FBN1: variants seen among roughly 807,000 people sequenced by gnomAD.
FBN1 encodes fibrillin-1.
Under a neutral mutation model 365.1 loss-of-function variants are expected in FBN1, and 29 were observed. The ratio of observed to expected loss-of-function variants is 0.08; its 90% CI spans 0.06 to 0.11. FBN1 has a LOEUF of 0.11. Among genes scored for constraint, FBN1 ranks in the 10% least tolerant of loss-of-function variants. The pLI, the probability that FBN1 is intolerant of heterozygous loss-of-function variation, is 1.00. For missense variants in FBN1, 2,476 were observed against 3,703.2 expected, an observed-to-expected ratio of 0.67 and a Z score of 8.60; for synonymous variants, 1,210 against 1,270.5, an observed-to-expected ratio of 0.95 and a Z score of 1.01.
intron 6 of FBN1, among the ~76,000 whole-genome samples, chr15:48,571,253 C>A (rs2044303621): frequency 6.6e-6 from 1 of 152,152 alleles, no homozygotes; most frequent in African/African-American, 2.4e-5. Context: ...CCACTGATAG[C>A]ATTTATCACT....
chr15:48,448,475 C>T (rs2043175589), intron 46 of FBN1, among the ~76,000 whole-genome samples: 1 of 152,122 alleles, frequency 6.6e-6, no homozygotes, highest in African/African-American at 2.4e-5. Flanking sequence ...ATCAATATTA[C>T]ATATGAATAA....
intron 45 of FBN1, among the ~76,000 whole-genome samples, chr15:48,452,025 A>G (rs774977524): frequency 6.6e-6 from 1 of 152,246 alleles, no homozygotes; most frequent in Non-Finnish European, 1.5e-5. Context: ...TGCTGCCTTC[A>G]GTGAGTGACC....
At chr15:48,567,238 T>C (rs370565974) in intron 6 of FBN1, among the ~76,000 whole-genome samples, 26 of 152,362 alleles carry the variant, frequency 1.7e-4, no homozygotes, top group African/African-American at 6.3e-4. Flanking sequence ...AGTAATTTAA[T>C]ATAGGCTGAA....
intron 6 of FBN1, among the ~76,000 whole-genome samples, chr15:48,539,142 T>C (rs1035391081): frequency 6.6e-6 from 1 of 152,150 alleles, no homozygotes; most frequent in African/African-American, 2.4e-5. Flanking sequence ...TTTTCTTGCA[T>C]CTCCACTCCA....
At chr15:48,463,751 T>C (rs2141267377) in intron 41 of FBN1, 148 bp downstream of exon 41, 4 of 912,960 alleles carry the variant, frequency 4.4e-6, no homozygotes, top group Non-Finnish European at 3.4e-6. Context: ...TTATGATTTA[T>C]AGGGGAAGAG....
intron 17 of FBN1, among the ~76,000 whole-genome samples, chr15:48,500,598 T>C (rs1474215867): frequency 6.6e-6 from 1 of 152,148 alleles, no homozygotes. Flanking sequence ...AAAAGTATTA[T>C]AAACACATAG....
chr15:48,510,904 T>C (rs2043753808), intron 13 of FBN1, among the ~76,000 whole-genome samples: 1 of 152,230 alleles, frequency 6.6e-6, no homozygotes, highest in South Asian at 2.1e-4. Flanking sequence ...GTGGATAGCA[T>C]GGTTCCCTGG....
intron 6 of FBN1, among the ~76,000 whole-genome samples, chr15:48,540,930 A>G (rs1485500460): frequency 1.3e-5 from 2 of 152,160 alleles, no homozygotes; most frequent in East Asian, 1.9e-4. Flanking sequence ...AAGATACTCT[A>G]TGGAATTATC....
intron 12 of FBN1, among the ~76,000 whole-genome samples, chr15:48,514,739 T>C (rs2043787314): frequency 6.6e-6 from 1 of 152,204 alleles, no homozygotes; most frequent in Non-Finnish European, 1.5e-5. Context: ...TAACGCTTTC[T>C]TTTAATGGTA....
chr15:48,577,889 C>T (rs991299480), intron 6 of FBN1, among the ~76,000 whole-genome samples: 2 of 152,140 alleles, frequency 1.3e-5, no homozygotes, highest in Non-Finnish European at 2.9e-5. Flanking sequence ...ATATTTGTAA[C>T]ATATGTCTTG....
intron 4 of FBN1, among the ~76,000 whole-genome samples, chr15:48,605,203 A>C (rs1256205962): frequency 1.3e-5 from 2 of 151,740 alleles, no homozygotes; most frequent in Non-Finnish European, 1.5e-5. Flanking sequence ...AAACAAAAAA[A>C]GGATAAAGTG....
At position 48,437,841 on chromosome 15, in the gene FBN1, C is replaced by T; in HGVS notation, c.6240G>A (p.Lys2080=). ...CCTTCAAGGCACAGCAGCATTCCTG[C>T]TTGGAGTGATTTCTGGATTTGGGTG... ...CSSPKSRNHS[K]QECCCALKGE... Residue 2080 remains lysine, a synonymous_variant, in exon 51 of 66, where the codon AAG becomes AAA. Transcript: ENST00000316623. 2 of 1,613,880 alleles carry T rather than the reference C, an allele frequency of 1.2e-6. No individual in the cohort carries two copies. Among genetic ancestry groups the T allele is most frequent in the Non-Finnish European group, 1.7e-6 (2 of 1,179,854 alleles).
At position 48,487,398 on chromosome 15, in the gene FBN1, C is replaced by T; in HGVS notation, c.3377G>A (p.Gly1126Asp). ...ECQRDPLLCRGGVCHNTEGSY... is the reference protein window; with the variant it reads ...ECQRDPLLCRDGVCHNTEGSY... ...TCCCTCTGTGTTATGGCAAACACCA[C>T]CTCGGCATAGGAGAGGATCTCTCTG... Residue 1126 changes from glycine to aspartate, a missense_variant, in exon 28 of 66, where the codon GGT becomes GAT. Transcript: ENST00000316623. 2 of 1,614,186 alleles carry T rather than the reference C, an allele frequency of 1.2e-6. No homozygotes were observed. The highest frequency in any genetic ancestry group is 1.7e-5 in the Admixed American group (1 of 60,034).
rs560481043 is a variant in FBN1 at position 48,409,490 on chromosome 15, A to G, written c.*1500T>C. On this transcript the variant is annotated 3_prime_UTR_variant, in exon 66 of 66. Transcript: ENST00000316623. ...TTTCCTGCCCTTAGGGATTTAAAAA[A>G]TTATTTCATATCGACGGATTGAGCC... is the stretch of plus-strand genomic sequence containing the variant. 1 of 152,324 alleles carries G rather than the reference A, an allele frequency of 6.6e-6. No individual in the cohort carries two copies. The highest frequency in any genetic ancestry group is 1.9e-4 in the East Asian group (1 of 5,190). 9.4% of individuals were successfully genotyped at this position (152,324 alleles called of 1,614,324 possible).
At chr15:48,602,160 C>A (rs1351650484) in intron 4 of FBN1, among the ~76,000 whole-genome samples, 1 of 152,150 alleles carries the variant, frequency 6.6e-6, no homozygotes, top group African/African-American at 2.4e-5. Flanking sequence ...ACACAGTTCT[C>A]CCCCAAACCT....
intron 2 of FBN1, chr15:48,643,997 C>T (rs1890244142): frequency 6.5e-6 from 1 of 153,218 alleles, no homozygotes; most frequent in East Asian, 1.9e-4. Flanking sequence ...AGCAGCCTTA[C>T]TGCTGCAGTG....
rs794728223 is a variant in FBN1, at chr15:48,470,646, C to T, written c.4447G>A (p.Gly1483Arg). The change falls in exon 36 of 66, where the codon GGG (glycine) becomes AGG (arginine). Residue 1483 changes from glycine to arginine, a missense_variant. Gly to Arg is a moderately radical substitution (Grantham distance 125, BLOSUM62 -2). Around this residue, in one of 5 missense-constraint regions of FBN1, gnomAD observed 1,780 missense variants for 2,840.8 expected, o/e 0.63. Transcript: ENST00000316623. ...EIGYELDRSG[G>R]NCTDVNECLD... is the part of the protein sequence containing the mutation. ...GTGGAGGTCTTACCTGTGCAGTTCC[C>T]GCCGCTTCTGTCCAGTTCGTAGCCT... is the stretch of plus-strand genomic sequence containing the variant. 3 of 1,614,010 alleles carry T rather than the reference C, an allele frequency of 1.9e-6. No individual in the cohort carries two copies. The highest frequency in any genetic ancestry group is 1.7e-5 in the Admixed American group (1 of 60,012).
intron 11 of FBN1, among the ~76,000 whole-genome samples, chr15:48,515,982 T>C (rs1028414306): frequency 2.6e-5 from 4 of 152,170 alleles, no homozygotes; most frequent in Non-Finnish European, 5.9e-5. Context: ...CTCTGGAGAA[T>C]AGGAAGCCTC....
intron 40 of FBN1, 88 bp from the exon 41 acceptor site, chr15:48,464,109 A>G: frequency 1.6e-6 from 2 of 1,273,768 alleles, no homozygotes; most frequent in Non-Finnish European, 2.3e-6. Flanking sequence ...ACATTAGAGG[A>G]GAAAATCTAT....
Sources: allele counts gnomAD v4.1 joint callset (sites outside exome capture counted in the v4.1 genomes callset), GRCh38; gene constraint gnomAD v4.1.1; regional missense constraint gnomAD v4.1.1; transcripts MANE v1.5; gene names NCBI Gene and HGNC (gene_info 2026-07-23, HGNC 2026-07-21).